Variants in ATP8B4 observed in about 807,000 individuals in gnomAD.
The protein encoded by ATP8B4 is ATPase phospholipid transporting 8B4 (putative).
Under a neutral mutation model 145.6 loss-of-function variants are expected in ATP8B4, and 133 were observed. The observed-to-expected ratio is 0.91, with a 90% CI of 0.79 to 1.05. ATP8B4 has a LOEUF of 1.05. Ranked by LOEUF, ATP8B4 falls within the 50% of genes least tolerant of loss-of-function variation. The pLI is 0.00. For missense variants in ATP8B4, 1,458 were observed against 1,425.2 expected, an observed-to-expected ratio of 1.02 and a Z score of -0.37; for synonymous variants, 507 against 492.9, an observed-to-expected ratio of 1.03 and a Z score of -0.38.
intron 26 of ATP8B4, among the ~76,000 whole-genome samples, chr15:49,864,599 A>G (rs1160207375): frequency 6.6e-6 from 1 of 152,178 alleles, no homozygotes; most frequent in Non-Finnish European, 1.5e-5. Flanking sequence ...GTGGAGTGCA[A>G]TGATGGTATA....
intron 20 of ATP8B4, among the ~76,000 whole-genome samples, 188 bp downstream of exon 20, chr15:49,916,746 C>T (rs1467025133): frequency 6.6e-6 from 1 of 152,168 alleles, no homozygotes; most frequent in Non-Finnish European, 1.5e-5. Flanking sequence ...TAATTCATTA[C>T]TGATATCAGC....
intron 9 of ATP8B4, among the ~76,000 whole-genome samples, chr15:49,994,739 G>A (rs760208445): frequency 2.0e-5 from 3 of 151,996 alleles, no homozygotes; most frequent in Non-Finnish European, 4.4e-5. Flanking sequence ...ACCTAATCCA[G>A]CCTGGCTCCT....
intron 1 of ATP8B4, among the ~76,000 whole-genome samples, chr15:50,150,899 G>A (rs889125497): frequency 6.6e-6 from 1 of 152,228 alleles, no homozygotes; most frequent in Non-Finnish European, 1.5e-5. Context: ...CCTGTAAAGT[G>A]AAAATGGTTG....
intron 10 of ATP8B4, among the ~76,000 whole-genome samples, chr15:49,984,951 A>G (rs1409174033): frequency 1.3e-5 from 2 of 152,208 alleles, no homozygotes; most frequent in Non-Finnish European, 2.9e-5. Flanking sequence ...AGGGAGGTGT[A>G]GCCTAGCTGT....
chr15:50,076,482 C>T (rs566941499), intron 2 of ATP8B4, among the ~76,000 whole-genome samples: 2 of 150,802 alleles, frequency 1.3e-5, no homozygotes, highest in East Asian at 3.9e-4. Flanking sequence ...CAGAGCAAGA[C>T]TCCATCTCAA....
At chr15:50,135,448 C>T (rs1332335755) in intron 1 of ATP8B4, among the ~76,000 whole-genome samples, 1 of 152,144 alleles carries the variant, frequency 6.6e-6, no homozygotes. Context: ...TTGCGGCTTG[C>T]GGGAATTGCT....
At position 50,055,218 on chromosome 15, in the gene ATP8B4, A is replaced by G. The variant is rs370112270; in HGVS notation, c.88-7754T>C. 2.4e-4 allele frequency among the ~76,000 whole-genome samples: 36 copies of G among 152,326 alleles called. No individual in the cohort carries two copies. In the East Asian group the frequency reaches 6.6e-3, roughly 28 times the overall value. The stretch of plus-strand genomic sequence containing the variant: ...AGGGCCAAGAAATGCAGAGAAAGAA[A>G]CTAGACCAAGCCTCTCCTGAGACTA... On this transcript the variant is annotated intron_variant, in intron 3 of 27. Transcript: ENST00000284509.
At chr15:50,035,914 G>A (rs1390528496) in intron 6 of ATP8B4, among the ~76,000 whole-genome samples, 1 of 152,130 alleles carries the variant, frequency 6.6e-6, no homozygotes, top group Non-Finnish European at 1.5e-5. Context: ...CACAAGGGAA[G>A]CCACAAGCAC....
chr15:50,161,869 T>G (rs2044524396), intron 1 of ATP8B4, among the ~76,000 whole-genome samples: 1 of 152,210 alleles, frequency 6.6e-6, no homozygotes, highest in Non-Finnish European at 1.5e-5. Flanking sequence ...TACCGTCAGA[T>G]GATTTCTTAA....
chr15:49,981,936 G>A (rs1316359141), intron 10 of ATP8B4, among the ~76,000 whole-genome samples: 11 of 152,138 alleles, frequency 7.2e-5, no homozygotes, highest in African/African-American at 2.7e-4. Context: ...GGAATTCTAA[G>A]AATATAATCA....
intron 6 of ATP8B4, among the ~76,000 whole-genome samples, chr15:50,034,504 T>C (rs2050690925): frequency 6.6e-6 from 1 of 152,162 alleles, no homozygotes; most frequent in Admixed American, 6.6e-5. Context: ...GCTGGGTTTA[T>C]GGGCATGAGC....
chr15:49,965,547 GA>G (rs2044453782), intron 13 of ATP8B4, among the ~76,000 whole-genome samples: 1 of 152,192 alleles, frequency 6.6e-6, no homozygotes, highest in African/African-American at 2.4e-5. Flanking sequence ...CATATAAACA[GA>G]ATGCTTGAAA....
intron 20 of ATP8B4, among the ~76,000 whole-genome samples, chr15:49,914,205 C>T (rs751742229): frequency 6.6e-6 from 1 of 151,918 alleles, no homozygotes; most frequent in Non-Finnish European, 1.5e-5. Context: ...TTGACAAAGA[C>T]ACTAAGTACA....
chr15:50,085,872 T>A (rs149780161), intron 2 of ATP8B4, among the ~76,000 whole-genome samples: 1,947 of 38,290 alleles, frequency 0.051, 64 homozygotes, highest in African/African-American at 0.14. Flanking sequence ...ACGTATCATA[T>A]ATATTTATAT....
chr15:50,181,693 C>G (rs561553777), intron 1 of ATP8B4, among the ~76,000 whole-genome samples: 6 of 152,272 alleles, frequency 3.9e-5, no homozygotes, highest in East Asian at 3.9e-4. Flanking sequence ...AACCTTGAAG[C>G]CTTCGCTACA....
intron 2 of ATP8B4, among the ~76,000 whole-genome samples, chr15:50,079,890 C>G (rs1033760999): frequency 2.0e-5 from 3 of 152,220 alleles, no homozygotes; most frequent in African/African-American, 7.2e-5. Context: ...CACCGTATTG[C>G]TGGCTGAGTA....
chr15:50,128,582 G>A (rs1425757385), intron 1 of ATP8B4, among the ~76,000 whole-genome samples: 1 of 152,210 alleles, frequency 6.6e-6, no homozygotes, highest in East Asian at 1.9e-4. Context: ...ATGCCATTCT[G>A]GAGAGAAGCA....
At chr15:49,918,760 C>A (rs1555412858) in intron 19 of ATP8B4, 79 bp downstream of exon 19, 1 of 1,028,264 alleles carries the variant, frequency 9.7e-7, no homozygotes, top group African/African-American at 1.6e-5. Context: ...ATTAATTAAC[C>A]TTTCTGGTTA....
chr15:50,074,902 G>GCT (rs1439935787), intron 2 of ATP8B4, among the ~76,000 whole-genome samples: 2 of 152,188 alleles, frequency 1.3e-5, no homozygotes, highest in African/African-American at 2.4e-5. Context: ...GCAAGCTCTT[G>GCT]CTCCATGTTT....
Sources: allele counts gnomAD v4.1 joint callset (sites outside exome capture counted in the v4.1 genomes callset), GRCh38; gene constraint gnomAD v4.1.1; transcripts MANE v1.5; gene names NCBI Gene and HGNC (gene_info 2026-07-23, HGNC 2026-07-21).